The following MAPK10 variants were observed in gnomAD, a reference collection of about 807,000 sequenced individuals.
MAPK10 encodes mitogen-activated protein kinase 10.
In MAPK10, 25 loss-of-function variants were observed where a neutral mutation model predicts 59.3. That is an observed-to-expected ratio of 0.42 (90% CI 0.31 to 0.59). MAPK10 has a LOEUF of 0.59. Ranked by LOEUF, MAPK10 falls within the 20% of genes least tolerant of loss-of-function variation. MAPK10 has a pLI of 0.15. For synonymous variants in MAPK10, 190 were observed against 200.5 expected, an observed-to-expected ratio of 0.95 and a Z score of 0.44; for missense variants, 351 against 568.9, an observed-to-expected ratio of 0.62 and a Z score of 3.90.
At chr4:86,374,172 C>T (rs974826014) in intron 1 of MAPK10, among the ~76,000 whole-genome samples, 7 of 152,090 alleles carry the variant, frequency 4.6e-5, no homozygotes, top group African/African-American at 1.7e-4. Context: ...AAACCAAACA[C>T]CGCATGTTCT....
intron 11 of MAPK10, among the ~76,000 whole-genome samples, chr4:86,036,514 T>C (rs761680357): frequency 1.3e-5 from 2 of 152,112 alleles, no homozygotes; most frequent in African/African-American, 2.4e-5. Context: ...TGTCTTTATA[T>C]AGACCTTAAT....
chr4:86,030,095 T>C (rs2038651187), intron 12 of MAPK10, among the ~76,000 whole-genome samples: 1 of 152,166 alleles, frequency 6.6e-6, no homozygotes, highest in South Asian at 2.1e-4. Context: ...GTCCATGTCC[T>C]CCTCAAATGA....
intron 2 of MAPK10, among the ~76,000 whole-genome samples, chr4:86,277,637 C>T (rs1430206198): frequency 6.6e-6 from 1 of 152,124 alleles, no homozygotes; most frequent in East Asian, 1.9e-4. Context: ...GTTATATTTG[C>T]AAGCAAAGTT....
chr4:86,137,414 C>A (rs1464206971), intron 4 of MAPK10, among the ~76,000 whole-genome samples: 1 of 139,810 alleles, frequency 7.2e-6, no homozygotes, highest in South Asian at 2.4e-4. Flanking sequence ...GGAAACTGAA[C>A]AACCTGCTCC....
intron 1 of MAPK10, among the ~76,000 whole-genome samples, chr4:86,549,275 C>A (rs1017099223): frequency 6.6e-6 from 1 of 152,132 alleles, no homozygotes. Flanking sequence ...ATTGTTAAGA[C>A]AATTTTGTCC....
At chr4:86,256,653 C>T (rs114245473) in intron 2 of MAPK10, among the ~76,000 whole-genome samples, 12,544 of 150,960 alleles carry the variant, frequency 0.083, 1,144 homozygotes, top group African/African-American at 0.23. Flanking sequence ...TAGTTTTTGT[C>T]AGTGATTTGA....
chr4:86,330,387 C>T (rs914752614), intron 2 of MAPK10, among the ~76,000 whole-genome samples: 1 of 152,188 alleles, frequency 6.6e-6, no homozygotes, highest in African/African-American at 2.4e-5. Context: ...AGCCCTGGTA[C>T]AGACTAAGAT....
chr4:86,285,910 G>A (rs372745748), intron 2 of MAPK10, among the ~76,000 whole-genome samples: 8 of 152,234 alleles, frequency 5.3e-5, no homozygotes, highest in South Asian at 4.2e-4. Flanking sequence ...ATGGATATCC[G>A]AGCTCAAACA....
At chr4:86,517,599 G>T (rs1756787345) in intron 1 of MAPK10, among the ~76,000 whole-genome samples, 2 of 151,992 alleles carry the variant, frequency 1.3e-5, no homozygotes, top group Non-Finnish European at 1.5e-5. Flanking sequence ...TATGCTGTTG[G>T]ATTCGGTTAG....
intron 3 of MAPK10, among the ~76,000 whole-genome samples, chr4:86,167,905 G>A (rs2072394345): frequency 6.6e-6 from 1 of 152,142 alleles, no homozygotes; most frequent in Non-Finnish European, 1.5e-5. Context: ...AAGAAATAAA[G>A]GGTATTCAAA....
chr4:86,398,795 T>G (rs945875008), intron 1 of MAPK10, among the ~76,000 whole-genome samples: 1 of 152,178 alleles, frequency 6.6e-6, no homozygotes, highest in African/African-American at 2.4e-5. Flanking sequence ...TGTCTATTGC[T>G]ACCATCTTTA....
At chr4:86,300,213 G>A (rs1028787895) in intron 2 of MAPK10, among the ~76,000 whole-genome samples, 63 of 152,226 alleles carry the variant, frequency 4.1e-4, no homozygotes, top group African/African-American at 1.3e-3. Context: ...CTTACAAGAG[G>A]TTCTAAGGAT....
At chr4:86,229,806 G>A (rs913829127) in intron 2 of MAPK10, among the ~76,000 whole-genome samples, 4 of 151,912 alleles carry the variant, frequency 2.6e-5, no homozygotes, top group African/African-American at 9.7e-5. Flanking sequence ...CTATAACCAC[G>A]GCACTTTGTG....
chr4:86,101,446 A>G, intron 7 of MAPK10: 1 of 469,526 alleles, frequency 2.1e-6, no homozygotes, highest in Non-Finnish European at 3.8e-6. Flanking sequence ...ATTTACACTA[A>G]TCTTGGGAAG....
At chr4:86,108,647 G>A (rs1008096488) in intron 4 of MAPK10, among the ~76,000 whole-genome samples, 1 of 152,038 alleles carries the variant, frequency 6.6e-6, no homozygotes, top group African/African-American at 2.4e-5. Context: ...CAAAAACATG[G>A]AAATCATTAT....
intron 2 of MAPK10, among the ~76,000 whole-genome samples, chr4:86,211,843 G>T (rs1291116900): frequency 2.0e-5 from 3 of 152,058 alleles, no homozygotes; most frequent in Admixed American, 6.5e-5. Flanking sequence ...AGCAGAGTTT[G>T]TATGTTACTG....
At chr4:86,271,347 C>T (rs570736490) in intron 2 of MAPK10, among the ~76,000 whole-genome samples, 1 of 151,842 alleles carries the variant, frequency 6.6e-6, no homozygotes, top group African/African-American at 2.4e-5. Flanking sequence ...AGTCCTTTGC[C>T]CCATTTCTTC....
At chr4:86,044,564 C>T (rs902687340) in intron 11 of MAPK10, 2 of 392,276 alleles carry the variant, frequency 5.1e-6, no homozygotes, top group African/African-American at 4.1e-5. Flanking sequence ...TCTTTAATGG[C>T]ATCTAGTTCT....
chr4:86,171,410 A>G (rs1019047539), intron 3 of MAPK10, among the ~76,000 whole-genome samples: 2 of 152,086 alleles, frequency 1.3e-5, no homozygotes, highest in Non-Finnish European at 2.9e-5. Flanking sequence ...CAGAGCCCTC[A>G]GAAATAACGC....
Sources: gnomAD v4.1 joint callset for allele counts (sites outside exome capture counted in the v4.1 genomes callset) on GRCh38, gnomAD v4.1.1 for gene constraint, MANE v1.5 for transcripts, NCBI Gene and HGNC (gene_info 2026-07-23, HGNC 2026-07-21) for gene names.